The following PTPRD variants were observed in gnomAD, a reference collection of about 807,000 sequenced individuals.
PTPRD encodes the protein receptor-type tyrosine-protein phosphatase delta.
PTPRD carries 34 observed loss-of-function variants against 214.5 expected under a neutral mutation model. The observed-to-expected ratio is 0.16, with a 90% CI of 0.12 to 0.21. The LOEUF (loss-of-function observed/expected upper bound fraction) is 0.21, where lower values mean the gene tolerates loss of function less well. PTPRD is among the 10% of genes least tolerant of loss of function. PTPRD has a pLI of 1.00. For missense variants in PTPRD, 2,545 were observed against 2,398.7 expected (o/e 1.06, Z -1.27); for synonymous variants, 1,128 against 845.7 (o/e 1.33, Z -5.79).
chr9:8,572,765 ACTAC>A (rs2091493296), intron 14 of PTPRD, among the ~76,000 whole-genome samples: 1 of 152,054 alleles, frequency 6.6e-6, no homozygotes, highest in Admixed American at 6.6e-5. Context: ...GCACATTTCC[ACTAC>A]CTAACTTACC....
intron 10 of PTPRD, among the ~76,000 whole-genome samples, chr9:9,085,675 T>C (rs796225695): frequency 2.0e-4 from 31 of 152,228 alleles, no homozygotes; most frequent in African/African-American, 5.8e-4. Flanking sequence ...CATTTGGCCT[T>C]CAGATTTTTC....
chr9:8,624,786 G>C (rs957406043), intron 14 of PTPRD, among the ~76,000 whole-genome samples: 2 of 151,812 alleles, frequency 1.3e-5, no homozygotes, highest in Non-Finnish European at 2.9e-5. Flanking sequence ...TAGCTAGAAA[G>C]AGCATCTCTC....
At chr9:9,690,281 G>A (rs887950700) in intron 7 of PTPRD, among the ~76,000 whole-genome samples, 2 of 151,990 alleles carry the variant, frequency 1.3e-5, no homozygotes, top group East Asian at 1.9e-4. Flanking sequence ...CCATTTGTGT[G>A]TCTTCTTCTG....
chr9:9,492,686 G>A (rs62533227), intron 8 of PTPRD, among the ~76,000 whole-genome samples: 13,890 of 150,578 alleles, frequency 0.092, 679 homozygotes, highest in South Asian at 0.14. Context: ...GGCATACCTT[G>A]TTTTATTATG....
intron 12 of PTPRD, among the ~76,000 whole-genome samples, chr9:8,702,006 G>C (rs764375357): frequency 2.0e-4 from 31 of 152,004 alleles, no homozygotes; most frequent in Non-Finnish European, 3.2e-4. Flanking sequence ...TATACATTTG[G>C]CTTTAGATCT....
chr9:8,773,458 C>G (rs539958301), intron 11 of PTPRD, among the ~76,000 whole-genome samples: 20 of 152,318 alleles, frequency 1.3e-4, no homozygotes, highest in African/African-American at 4.8e-4. Context: ...TCTCATCACT[C>G]AGAGGGCACT....
chr9:8,373,769 T>G (rs1323958110), intron 39 of PTPRD, among the ~76,000 whole-genome samples: 1 of 151,876 alleles, frequency 6.6e-6, no homozygotes, highest in Non-Finnish European at 1.5e-5. Context: ...CATACCTTGC[T>G]TATAATCTAC....
chr9:8,456,247 C>T (rs6477310), intron 33 of PTPRD, among the ~76,000 whole-genome samples: 117,158 of 152,100 alleles, frequency 0.77, 46,084 homozygotes, highest in East Asian at 0.95. Flanking sequence ...TTGACAGTAA[C>T]GCAGTAGGTT....
chr9:10,263,456 G>A lies in PTPRD; in HGVS notation c.-545+77507C>T, dbSNP rs148626182. 5.3e-5 allele frequency among the ~76,000 whole-genome samples: 8 copies of A among 152,214 alleles called. No homozygotes were observed. The East Asian group carries it at 1.4e-3, about 26-fold the overall frequency. On this transcript the variant is annotated intron_variant, in intron 3 of 45. Transcript: ENST00000381196. ...TCAAAAATGAGGTCCAGGCTAAGGT[G>A]GTCTCAGATGGAGATGAGGAACTTG...
chr9:8,585,449 A>T (rs748888277), intron 14 of PTPRD, among the ~76,000 whole-genome samples: 5 of 152,160 alleles, frequency 3.3e-5, no homozygotes, highest in African/African-American at 9.7e-5. Flanking sequence ...TTCGCTATGG[A>T]CTGGAAAGTC....
chr9:10,350,001 A>G (rs993384434), intron 2 of PTPRD, among the ~76,000 whole-genome samples: 9 of 152,234 alleles, frequency 5.9e-5, no homozygotes, highest in African/African-American at 2.2e-4. Context: ...AGAAACAGCA[A>G]TGCCTATCAA....
intron 2 of PTPRD, among the ~76,000 whole-genome samples, chr9:10,548,082 G>GA (rs1218775922): frequency 6.6e-6 from 1 of 152,070 alleles, no homozygotes; most frequent in Non-Finnish European, 1.5e-5. Context: ...TCACAGCTCT[G>GA]AGACAGTGAA....
chr9:9,305,119 C>A (rs1202686934), intron 9 of PTPRD, among the ~76,000 whole-genome samples: 2 of 151,432 alleles, frequency 1.3e-5, no homozygotes, highest in Non-Finnish European at 2.9e-5. Context: ...CTCATCTTTA[C>A]CTCCTCTTTC....
At chr9:8,484,539 C>G (rs1435149448) in intron 29 of PTPRD, among the ~76,000 whole-genome samples, 161 bp from the exon 30 acceptor site, 1 of 140,616 alleles carries the variant, frequency 7.1e-6, no homozygotes, top group African/African-American at 2.8e-5. Flanking sequence ...GAGATCACAT[C>G]AATTTTCCTG....
At chr9:9,695,122 TG>T (rs1011627959) in intron 7 of PTPRD, among the ~76,000 whole-genome samples, 25 of 152,268 alleles carry the variant, frequency 1.6e-4, no homozygotes, top group African/African-American at 4.8e-4. Flanking sequence ...GCATACTCTC[TG>T]GGTATCGCTG....
rs115012810 is a variant in PTPRD at position 9,445,503 on chromosome 9, A to G, written c.-236-48021T>C. Among the ~76,000 whole-genome samples the G allele has an allele frequency of 4.8e-3, 729 of 152,206 alleles. 4 individuals carry two copies. Among genetic ancestry groups the G allele is most frequent in the African/African-American group, 0.017 (695 of 41,536 alleles). On this transcript the variant is annotated intron_variant, in intron 8 of 45. Coordinates refer to ENST00000381196, the MANE Select transcript of PTPRD (RefSeq NM_002839.4). ...TTCATAAATGAAAGAGGTTTAATTGACTCATAGTTCTGCATGGCTGGGAAG... is the reference window on the plus strand; with the variant it reads ...TTCATAAATGAAAGAGGTTTAATTGGCTCATAGTTCTGCATGGCTGGGAAG...
chr9:10,193,103 T>C (rs1232309153), intron 3 of PTPRD, among the ~76,000 whole-genome samples: 1 of 152,146 alleles, frequency 6.6e-6, no homozygotes, highest in Non-Finnish European at 1.5e-5. Context: ...TTTCCAGATT[T>C]TTCAATTTCC....
intron 3 of PTPRD, among the ~76,000 whole-genome samples, chr9:10,042,581 G>C (rs111250225): frequency 4.0e-5 from 6 of 151,846 alleles, no homozygotes; most frequent in Non-Finnish European, 5.9e-5. Flanking sequence ...AGAGCTACTA[G>C]CAGGACTACT....
chr9:10,289,138 T>C (rs2095454506), intron 3 of PTPRD, among the ~76,000 whole-genome samples: 1 of 152,122 alleles, frequency 6.6e-6, no homozygotes, highest in Non-Finnish European at 1.5e-5. Flanking sequence ...GAGTCTATGC[T>C]ATAAAGTTGA....
Sources: gnomAD v4.1 joint callset for allele counts (sites outside exome capture counted in the v4.1 genomes callset) on GRCh38, gnomAD v4.1.1 for gene constraint, MANE v1.5 for transcripts, NCBI Gene and HGNC (gene_info 2026-07-23, HGNC 2026-07-21) for gene names.